Variants in NOD1 observed in about 807,000 individuals in gnomAD.
The protein encoded by NOD1 is nucleotide-binding oligomerization domain-containing protein 1.
A neutral mutation model predicts 81.2 loss-of-function variants in NOD1; 70 were observed. That is an observed-to-expected ratio of 0.86 (90% CI 0.71 to 1.05). The LOEUF is 1.05. Ranked by LOEUF, NOD1 falls within the 50% of genes least tolerant of loss-of-function variation. The pLI is 0.00. For missense variants in NOD1, 1,233 were observed against 1,228.0 expected (o/e 1.00, Z -0.06); for synonymous variants, 508 against 526.9 (o/e 0.96, Z 0.49).
At chr7:30,446,550 A>G in intron 8 of NOD1, 2 of 417,380 alleles carry the variant, frequency 4.8e-6, no homozygotes, top group South Asian at 5.3e-5. Context: ...TTGACTGCCA[A>G]GGGTCAAGGT....
At chr7:30,477,176 A>G (rs1788870925) in intron 1 of NOD1, among the ~76,000 whole-genome samples, 1 of 152,090 alleles carries the variant, frequency 6.6e-6, no homozygotes, top group South Asian at 2.1e-4. Context: ...TTATTTCTCC[A>G]CTCCACAAAA....
At chr7:30,447,419 A>T (rs1785223892) in intron 7 of NOD1, 2 of 271,732 alleles carry the variant, frequency 7.4e-6, no homozygotes, top group Non-Finnish European at 1.4e-5. Flanking sequence ...AACTAAGATT[A>T]CATTCAGCGT....
chr7:30,476,227 T>C (rs1030619377), intron 1 of NOD1, among the ~76,000 whole-genome samples: 5 of 152,240 alleles, frequency 3.3e-5, no homozygotes, highest in Non-Finnish European at 5.9e-5. Context: ...GATAAGACTT[T>C]GATAGTCTTG....
At chr7:30,429,482 A>G (rs760914081) in intron 12 of NOD1, 25 bp from the exon 13 acceptor site, 109 of 1,598,728 alleles carry the variant, frequency 6.8e-5, no homozygotes, top group Non-Finnish European at 8.9e-5. Flanking sequence ...TAACTTGTAT[A>G]AAATCCATAA....
At chr7:30,445,487 G>A (rs572371904) in intron 9 of NOD1, among the ~76,000 whole-genome samples, 6 of 152,014 alleles carry the variant, frequency 3.9e-5, no homozygotes, top group East Asian at 3.9e-4. Context: ...GGCGGGGCAC[G>A]GTGGCTCACG....
intron 1 of NOD1, among the ~76,000 whole-genome samples, chr7:30,469,426 G>A (rs1054999463): frequency 9.2e-5 from 14 of 151,768 alleles, no homozygotes; most frequent in African/African-American, 2.2e-4. Flanking sequence ...CCTCCCTCTA[G>A]CTCCCTCTGT....
In NOD1 at chr7:30,457,078, G is replaced by A. The variant is rs1786460855; in HGVS notation, c.-121-36C>T. On this transcript the variant is annotated intron_variant, in intron 3 of 13. Transcript: ENST00000222823. ...CAATGACATCATCAGCAAAGCAAAA[G>A]CTACAGAAAGAGCTCACCCCACCTC... The A allele has an allele frequency of 4.7e-6, 3 of 636,768 alleles. No homozygotes were observed. The South Asian group carries it at 5.6e-5, about 12-fold the overall frequency. The allele number at this position is 636,768 out of a possible 1,614,324, so 39.4% of individuals were successfully genotyped here. A position where few individuals can be genotyped will look rare whatever the true frequency, so the allele number is the denominator to read the frequency against.
intron 9 of NOD1, among the ~76,000 whole-genome samples, chr7:30,438,333 G>A (rs1784565639): frequency 6.6e-6 from 1 of 152,190 alleles, no homozygotes; most frequent in Admixed American, 6.5e-5. Context: ...TCTGCCATCT[G>A]CTACCTGTGT....
chr7:30,476,280 T>A (rs557084279), intron 1 of NOD1, among the ~76,000 whole-genome samples: 9 of 152,344 alleles, frequency 5.9e-5, no homozygotes, highest in Admixed American at 3.3e-4. Context: ...AGAAAAACAC[T>A]TGATCTTTAT....
At chr7:30,456,551 C>T (rs190432600) in intron 4 of NOD1, among the ~76,000 whole-genome samples, 170 bp downstream of exon 4, 37 of 152,282 alleles carry the variant, frequency 2.4e-4, no homozygotes, top group African/African-American at 8.7e-4. Context: ...AAGTAAAATA[C>T]CTGACTGTGC....
intron 11 of NOD1, chr7:30,433,397 T>C: frequency 1.8e-6 from 1 of 550,048 alleles, no homozygotes; most frequent in Non-Finnish European, 3.2e-6. Flanking sequence ...TGGGCTCCTA[T>C]TTCTTAGCCC....
In NOD1 at chr7:30,425,601, T is replaced by A; in HGVS notation, c.*37A>T. 1.3e-6 allele frequency: 2 copies of A among 1,520,498 alleles called. No homozygotes were observed. Among genetic ancestry groups the A allele is most frequent in the Non-Finnish European group, 1.8e-6 (2 of 1,094,412 alleles). The allele number at this position is 1,520,498 out of a possible 1,614,324, so 94.2% of individuals were successfully genotyped here. ...CCAGAGTGGCATTTGCTGCTGAGGC[T>A]CCAGGGCAAAAACCCCATGAACAGG... On this transcript the variant is annotated 3_prime_UTR_variant, in exon 14 of 14. Coordinates refer to ENST00000222823, the MANE Select transcript of NOD1 (RefSeq NM_006092.4).
intron 4 of NOD1, among the ~76,000 whole-genome samples, chr7:30,455,930 A>G (rs1245626581): frequency 6.6e-6 from 1 of 152,112 alleles, no homozygotes; most frequent in Non-Finnish European, 1.5e-5. Context: ...ACCTGACACA[A>G]CTGCTGTGCA....
At chr7:30,453,593 G>A (rs563835401) in intron 5 of NOD1, among the ~76,000 whole-genome samples, 1 of 152,192 alleles carries the variant, frequency 6.6e-6, no homozygotes, top group East Asian at 1.9e-4. Flanking sequence ...TAATTTTTGT[G>A]TTTTTTTGTA....
chr7:30,455,307 CG>C lies in NOD1; in HGVS notation c.205del (p.Arg69AlafsTer58), dbSNP rs1183600248. ...CACPTQPDKV[R>X]KILDLVQSKG... is the part of the protein sequence containing the mutation. The stretch of plus-strand genomic sequence containing the variant: ...GCTCTGTACCAGGTCCAGAATTTTG[CG>C]GACCTGGAGGTGACACAAGCATGAG... On this transcript the variant is annotated frameshift_variant, in exon 5 of 14. Transcript: ENST00000222823. LOFTEE classifies it high-confidence loss of function. 1.9e-6 allele frequency: 3 copies of C among 1,612,392 alleles called. No homozygotes were observed. The highest frequency in any genetic ancestry group is 2.5e-6 in the Non-Finnish European group (3 of 1,178,888).
At position 30,447,068 on chromosome 7, in the gene NOD1, G is replaced by A. The variant is rs1767489181; in HGVS notation, c.2286-18C>T. 1 of 1,613,188 alleles carries A rather than the reference G, an allele frequency of 6.2e-7. No individual in the cohort carries two copies. On this transcript the variant is annotated intron_variant, in intron 7 of 13. Transcript: ENST00000222823. Reference sequence around the variant, plus strand: ...TGTATAAACTTCAAGAGAAAGCACAGCCATGAGACTTTCTGGCTCCTGATG... The same window carrying A: ...TGTATAAACTTCAAGAGAAAGCACAACCATGAGACTTTCTGGCTCCTGATG...
At chr7:30,439,469 C>A (rs1402105686) in intron 9 of NOD1, among the ~76,000 whole-genome samples, 1 of 139,722 alleles carries the variant, frequency 7.2e-6, no homozygotes, top group Non-Finnish European at 1.5e-5. Context: ...AGGGAGTTCC[C>A]TTTCCGAGTC....
chr7:30,452,302 T>C lies in NOD1; in HGVS notation c.1115A>G (p.Asp372Gly). ...RRMFPERALQDRLLSQLEANP... is the reference protein window; with the variant it reads ...RRMFPERALQGRLLSQLEANP... ...GGCCTCCAGCTGGCTCAGCAGGCGG[T>C]CCTGCAGGGCCCGCTCGGGGAACAT... Residue 372 changes from aspartate (D) to glycine (G), a missense_variant, in exon 6 of 14, where the codon GAC becomes GGC. By Grantham distance (94) the Asp-to-Gly change is moderately conservative. Coordinates refer to ENST00000222823, the MANE Select transcript of NOD1 (RefSeq NM_006092.4). The C allele has an allele frequency of 3.1e-6, 5 of 1,613,356 alleles. No individual in the cohort carries two copies. The highest frequency in any genetic ancestry group is 3.4e-6 in the Non-Finnish European group (4 of 1,179,888).
intron 11 of NOD1, among the ~76,000 whole-genome samples, chr7:30,434,253 CAG>C (rs1491499684): frequency 6.6e-6 from 1 of 152,158 alleles, no homozygotes; most frequent in African/African-American, 2.4e-5. Context: ...TGAGTTAACA[CAG>C]GGAAAAAGTG....
Sources: gnomAD v4.1 joint callset for allele counts (sites outside exome capture counted in the v4.1 genomes callset) on GRCh38, gnomAD v4.1.1 for gene constraint, MANE v1.5 for transcripts, NCBI Gene and HGNC (gene_info 2026-07-23, HGNC 2026-07-21) for gene names.